The following HTR1F variants were observed in gnomAD, a reference collection of about 807,000 sequenced individuals.
The protein encoded by HTR1F is 5-hydroxytryptamine (serotonin) receptor 1F, G protein-coupled.
HTR1F carries 17 observed loss-of-function variants against 24.0 expected under a neutral mutation model. That is an observed-to-expected ratio of 0.71 (90% CI 0.48 to 1.06). The LOEUF is 1.06. HTR1F is among the 50% of genes least tolerant of loss of function. The probability of loss-of-function intolerance (pLI) is 0.00; values close to 1 mark genes in which losing one functional copy is unlikely to be tolerated. For synonymous variants in HTR1F, 186 were observed against 156.8 expected (o/e 1.19, Z -1.39); for missense variants, 391 against 427.8 (o/e 0.91, Z 0.76).
intron 1 of HTR1F, among the ~76,000 whole-genome samples, chr3:87,814,279 A>G (rs1704210987): frequency 6.6e-6 from 1 of 152,200 alleles, no homozygotes; most frequent in Admixed American, 6.5e-5. Context: ...TTTTTAATGG[A>G]CAAAAATTGT....
intron 2 of HTR1F, among the ~76,000 whole-genome samples, chr3:87,896,915 C>T (rs1408116022): frequency 1.3e-5 from 2 of 151,974 alleles, no homozygotes; most frequent in African/African-American, 4.8e-5. Context: ...AGATACATGT[C>T]GGTGAGAGTG....
intron 1 of HTR1F, among the ~76,000 whole-genome samples, chr3:87,807,628 T>G (rs1158568184): frequency 1.3e-5 from 2 of 152,004 alleles, no homozygotes; most frequent in Non-Finnish European, 2.9e-5. Flanking sequence ...TCTTGCCTGA[T>G]TGCTCTGGCT....
chr3:87,797,104 T>C (rs1703917913), intron 1 of HTR1F, among the ~76,000 whole-genome samples: 1 of 152,214 alleles, frequency 6.6e-6, no homozygotes, highest in Admixed American at 6.5e-5. Flanking sequence ...AAATAGCATG[T>C]CATTCTGAGT....
intron 1 of HTR1F, among the ~76,000 whole-genome samples, chr3:87,805,046 C>T (rs758069323): frequency 2.0e-5 from 3 of 151,868 alleles, no homozygotes; most frequent in Non-Finnish European, 4.4e-5. Context: ...TCATTCTATC[C>T]CCACTGTTAT....
chr3:87,855,644 C>T (rs1408988026), intron 2 of HTR1F, among the ~76,000 whole-genome samples: 3 of 151,978 alleles, frequency 2.0e-5, no homozygotes, highest in South Asian at 2.1e-4. Flanking sequence ...CTGCAGTTTT[C>T]GTTGTGCCTG....
intron 2 of HTR1F, among the ~76,000 whole-genome samples, chr3:87,833,296 A>T (rs889285898): frequency 6.6e-6 from 1 of 152,200 alleles, no homozygotes; most frequent in African/African-American, 2.4e-5. Context: ...TATAAAAATT[A>T]AAAACCTTAA....
intron 2 of HTR1F, among the ~76,000 whole-genome samples, chr3:87,940,181 A>G (rs1186789585): frequency 2.0e-5 from 3 of 152,178 alleles, no homozygotes; most frequent in Non-Finnish European, 4.4e-5. Flanking sequence ...GTTTTGAGAG[A>G]GTCTCTTAAT....
intron 1 of HTR1F, among the ~76,000 whole-genome samples, chr3:87,802,741 C>T (rs774163273): frequency 6.6e-5 from 10 of 152,096 alleles, no homozygotes; most frequent in Non-Finnish European, 1.0e-4. Context: ...TTGGCACATG[C>T]TTACAAGCAA....
intron 2 of HTR1F, among the ~76,000 whole-genome samples, chr3:87,973,720 A>G (rs1705335421): frequency 6.6e-6 from 1 of 152,240 alleles, no homozygotes; most frequent in Non-Finnish European, 1.5e-5. Flanking sequence ...TAAAATTACT[A>G]GGATTCACTT....
chr3:87,980,047 A>G (rs1705508330), intron 2 of HTR1F, among the ~76,000 whole-genome samples: 1 of 152,008 alleles, frequency 6.6e-6, no homozygotes, highest in Admixed American at 6.6e-5. Context: ...CATTGCCCAC[A>G]CTGTGGCAAG....
At chr3:87,954,718 T>C (rs1018217154) in intron 2 of HTR1F, among the ~76,000 whole-genome samples, 1 of 151,710 alleles carries the variant, frequency 6.6e-6, no homozygotes, top group South Asian at 2.1e-4. Flanking sequence ...TTTTAAATAC[T>C]GATATAAACA....
chr3:87,880,950 A>T (rs1368602646), intron 2 of HTR1F, among the ~76,000 whole-genome samples: 1 of 152,242 alleles, frequency 6.6e-6, no homozygotes, highest in African/African-American at 2.4e-5. Flanking sequence ...AAATAGAAGT[A>T]TGAGTGGTTC....
rs76823615 is a variant in HTR1F at position 87,990,199 on chromosome 3, G to A, written c.-42-509G>A. Among the ~76,000 whole-genome samples, 4 of 152,068 alleles carry A rather than the reference G, an allele frequency of 2.6e-5. No homozygotes were observed. In the East Asian group the frequency reaches 7.7e-4, roughly 29 times the overall value. On this transcript the variant is annotated intron_variant, in intron 2 of 2. Coordinates refer to ENST00000319595, the MANE Select transcript of HTR1F (RefSeq NM_001322209.2). ...CTGTTAAGAATTCCTTTGTTATTTT[G>A]TCATGCTTCAAGCCTAGGAAAAGCC...
At chr3:87,861,746 C>T (rs1321209090) in intron 2 of HTR1F, among the ~76,000 whole-genome samples, 1 of 152,088 alleles carries the variant, frequency 6.6e-6, no homozygotes, top group Non-Finnish European at 1.5e-5. Context: ...AGCTCTTCTA[C>T]TTACATAAAT....
At chr3:87,970,796 A>C (rs1705269190) in intron 2 of HTR1F, among the ~76,000 whole-genome samples, 1 of 152,198 alleles carries the variant, frequency 6.6e-6, no homozygotes, top group African/African-American at 2.4e-5. Context: ...TCAGCTCCCT[A>C]GTTACCATGT....
At chr3:87,911,903 C>T (rs777725922) in intron 2 of HTR1F, among the ~76,000 whole-genome samples, 32 of 151,932 alleles carry the variant, frequency 2.1e-4, no homozygotes, top group African/African-American at 5.8e-4. Context: ...AACTGGGTAT[C>T]GAAGAAATAT....
intron 2 of HTR1F, among the ~76,000 whole-genome samples, chr3:87,871,409 T>C (rs1193209237): frequency 6.6e-6 from 1 of 151,986 alleles, no homozygotes; most frequent in African/African-American, 2.4e-5. Context: ...ATGGGACTTA[T>C]GGGGTACTGT....
At chr3:87,804,036 C>A (rs1333622362) in intron 1 of HTR1F, among the ~76,000 whole-genome samples, 1 of 151,878 alleles carries the variant, frequency 6.6e-6, no homozygotes, top group Admixed American at 6.6e-5. Context: ...GCTCTTTGAC[C>A]CTAAGTTATT....
At chr3:87,816,625 T>A (rs1428946012) in intron 1 of HTR1F, among the ~76,000 whole-genome samples, 1 of 152,052 alleles carries the variant, frequency 6.6e-6, no homozygotes, top group Non-Finnish European at 1.5e-5. Context: ...TTACTGGGAT[T>A]TTACAGCTCT....
Sources: allele counts gnomAD v4.1 joint callset (sites outside exome capture counted in the v4.1 genomes callset), GRCh38; gene constraint gnomAD v4.1.1; transcripts MANE v1.5; gene names NCBI Gene and HGNC (gene_info 2026-07-23, HGNC 2026-07-21).